Variants in FBXO4 observed in about 807,000 individuals in gnomAD.
FBXO4 encodes F-box only protein 4.
In FBXO4, 36 loss-of-function variants were observed where a neutral mutation model predicts 43.7. The ratio of observed to expected loss-of-function variants is 0.82; its 90% CI spans 0.63 to 1.09. The LOEUF is 1.09. Ranked by LOEUF, FBXO4 falls within the 50% of genes least tolerant of loss-of-function variation. The pLI is 0.00. For synonymous variants in FBXO4, 180 were observed against 165.6 expected, an observed-to-expected ratio of 1.09 and a Z score of -0.67; for missense variants, 435 against 474.1, an observed-to-expected ratio of 0.92 and a Z score of 0.77.
At chr5:42,005,749 A>C in the FBXO4 span, among the ~76,000 whole-genome samples, 31 of 152,212 alleles carry the variant, frequency 2.0e-4, no homozygotes, top group Admixed American at 5.2e-4. Context: ...GTAGGGGGCA[A>C]CTGAGAATTT....
At chr5:41,965,650 T>TA in the FBXO4 span, among the ~76,000 whole-genome samples, 1 of 152,146 alleles carries the variant, frequency 6.6e-6, no homozygotes, top group Non-Finnish European at 1.5e-5. Flanking sequence ...TGGCGATCAT[T>TA]AAAAAGTCAG....
At chr5:41,925,724 A>G (rs1223140451) in intron 1 of FBXO4, among the ~76,000 whole-genome samples, 1 of 151,464 alleles carries the variant, frequency 6.6e-6, no homozygotes, top group Non-Finnish European at 1.5e-5. Context: ...TCAGGGAAGC[A>G]CCTTCATGGG....
the FBXO4 span, among the ~76,000 whole-genome samples, chr5:41,969,377 C>A: frequency 1.3e-5 from 2 of 152,114 alleles, no homozygotes; most frequent in African/African-American, 4.8e-5. Flanking sequence ...TCTATTCATG[C>A]CGTTCTCCCC....
chr5:41,966,450 C>A, the FBXO4 span, among the ~76,000 whole-genome samples: 1 of 151,884 alleles, frequency 6.6e-6, no homozygotes, highest in Non-Finnish European at 1.5e-5. Flanking sequence ...ATAAAATAAA[C>A]CTTTAAATCC....
chr5:41,957,010 C>A, the FBXO4 span, among the ~76,000 whole-genome samples: 1 of 152,050 alleles, frequency 6.6e-6, no homozygotes, highest in Non-Finnish European at 1.5e-5. Flanking sequence ...CTGCGCCTGG[C>A]CTTTTTTTCT....
chr5:41,943,599 A>T (rs761881952), downstream of FBXO4, among the ~76,000 whole-genome samples: 26 of 152,184 alleles, frequency 1.7e-4, no homozygotes, highest in Non-Finnish European at 2.6e-4. Flanking sequence ...TTATCCTGAC[A>T]TAAAACAACT....
chr5:42,023,433 C>A, the FBXO4 span, among the ~76,000 whole-genome samples: 1 of 152,064 alleles, frequency 6.6e-6, no homozygotes, highest in African/African-American at 2.4e-5. Flanking sequence ...AAACGATGAA[C>A]TCTGAGACAA....
chr5:41,930,190 A>G (rs1024976269), intron 3 of FBXO4: 2 of 336,386 alleles, frequency 5.9e-6, no homozygotes, highest in African/African-American at 4.2e-5. Context: ...GTACAGTGGG[A>G]TATCATATTT....
At chr5:41,982,385 A>C in the FBXO4 span, among the ~76,000 whole-genome samples, 1 of 152,192 alleles carries the variant, frequency 6.6e-6, no homozygotes, top group South Asian at 2.1e-4. Flanking sequence ...AAGTGTTCCT[A>C]TTTCTCCACA....
At chr5:42,015,919 C>A in the FBXO4 span, among the ~76,000 whole-genome samples, 1 of 151,994 alleles carries the variant, frequency 6.6e-6, no homozygotes, top group East Asian at 1.9e-4. Flanking sequence ...AAAGTAATGG[C>A]ACAAAATAAA....
At chr5:41,940,775 G>C (rs1207201538) in intron 6 of FBXO4, among the ~76,000 whole-genome samples, 1 of 152,120 alleles carries the variant, frequency 6.6e-6, no homozygotes, top group African/African-American at 2.4e-5. Flanking sequence ...CTTCTGAATG[G>C]TGGCAATTTT....
Position 41,925,474 on chromosome 5 carries a change from G to A in FBXO4, c.165G>A (p.Ala55=), listed in dbSNP as rs1170759870. ...CCTCACGGGAGGAGGTGGATGAGGC[G>A]GCCAGCACCCTGACGCGGCTGCCGG... ...RTTSREEVDE[A]ASTLTRLPID... is the part of the protein sequence containing the mutation. The change falls in exon 1 of 7, where the codon GCG becomes GCA. Residue 55 remains alanine (A), a synonymous_variant. Coordinates refer to ENST00000281623, the MANE Select transcript of FBXO4 (RefSeq NM_012176.3). 3.1e-5 allele frequency: 41 copies of A among 1,325,418 alleles called. No individual in the cohort carries two copies. Among genetic ancestry groups the A allele is most frequent in the Non-Finnish European group, 4.0e-5 (41 of 1,029,994 alleles). The allele number at this position is 1,325,418 out of a possible 1,614,324, so 82.1% of individuals were successfully genotyped here.
chr5:41,944,490 T>TA (rs1204290379), downstream of FBXO4, among the ~76,000 whole-genome samples: 1 of 152,196 alleles, frequency 6.6e-6, no homozygotes, highest in African/African-American at 2.4e-5. Context: ...CAGGAAAACT[T>TA]AGTGTTTGTG....
the FBXO4 span, among the ~76,000 whole-genome samples, chr5:41,998,375 C>T: frequency 6.6e-6 from 1 of 152,188 alleles, no homozygotes; most frequent in African/African-American, 2.4e-5. Flanking sequence ...CTCCTGAACC[C>T]TCCCAGCGGG....
the FBXO4 span, among the ~76,000 whole-genome samples, chr5:42,009,372 T>C: frequency 2.6e-5 from 3 of 115,508 alleles, no homozygotes; most frequent in African/African-American, 9.7e-5. Flanking sequence ...GGAGTGTGTG[T>C]GTATGTGTGT....
the FBXO4 span, among the ~76,000 whole-genome samples, chr5:42,017,222 A>T: frequency 1.3e-5 from 2 of 152,100 alleles, no homozygotes; most frequent in African/African-American, 4.8e-5. Flanking sequence ...TATGAGACAA[A>T]TCTAAAACAA....
the FBXO4 span, among the ~76,000 whole-genome samples, chr5:42,029,048 T>C: frequency 2.0e-5 from 3 of 152,010 alleles, no homozygotes; most frequent in African/African-American, 7.2e-5. Flanking sequence ...TTTTATATCT[T>C]CAGATATTTC....
the FBXO4 span, among the ~76,000 whole-genome samples, chr5:41,975,107 GA>G: frequency 6.6e-6 from 1 of 152,184 alleles, no homozygotes; most frequent in Non-Finnish European, 1.5e-5. Context: ...GGTCTATGGA[GA>G]AAAGGTGAGA....
At chr5:42,011,394 C>T in the FBXO4 span, among the ~76,000 whole-genome samples, 1 of 152,144 alleles carries the variant, frequency 6.6e-6, no homozygotes, top group African/African-American at 2.4e-5. Context: ...TGCCCATTAC[C>T]AGAAAGCAGT....
Sources: allele counts gnomAD v4.1 joint callset (sites outside exome capture counted in the v4.1 genomes callset), GRCh38; gene constraint gnomAD v4.1.1; transcripts MANE v1.5; gene names NCBI Gene and HGNC (gene_info 2026-07-23, HGNC 2026-07-21).